The following VGLL3 variants were observed in gnomAD, a reference collection of about 807,000 sequenced individuals.
The protein encoded by VGLL3 is vestigial like family member 3, also known as transcription cofactor vestigial-like protein 3.
Under a neutral mutation model 29.2 loss-of-function variants are expected in VGLL3, and 18 were observed. That is an observed-to-expected ratio of 0.62 (90% CI 0.43 to 0.91). The LOEUF (loss-of-function observed/expected upper bound fraction) is 0.91, where lower values mean the gene tolerates loss of function less well. Among genes scored for constraint, VGLL3 ranks in the 40% least tolerant of loss-of-function variants. VGLL3 has a pLI of 0.00. For synonymous variants in VGLL3, 180 were observed against 151.8 expected (o/e 1.19, Z -1.36); for missense variants, 440 against 413.2 (o/e 1.06, Z -0.56).
chr3:86,942,389 A>G lies in VGLL3; in HGVS notation c.*4635T>C, dbSNP rs1413672927. ...AGTGTCAACATCTGCTTCCAATAAG[A>G]TTGTTTCTTTTTTTCCTTGAGTAGA... On this transcript the variant is annotated 3_prime_UTR_variant, in exon 4 of 4. Transcript: ENST00000398399. 1 of 152,008 alleles carries G rather than the reference A, an allele frequency of 6.6e-6. No homozygotes were observed. Among genetic ancestry groups the G allele is most frequent in the African/African-American group, 2.4e-5 (1 of 41,384 alleles). 9.4% of individuals were successfully genotyped at this position (152,008 alleles called of 1,614,324 possible).
chr3:86,942,783 G>A lies in VGLL3; in HGVS notation c.*4241C>T, dbSNP rs1406373076. The stretch of plus-strand genomic sequence containing the variant: ...AACGTACATTTATCTCCTATACCAG[G>A]TAGAAGGAACAGTTAGTAGGAGAAA... On this transcript the variant is annotated 3_prime_UTR_variant, in exon 4 of 4. Coordinates refer to ENST00000398399, the MANE Select transcript of VGLL3 (RefSeq NM_016206.4). 1 of 152,142 alleles carries A rather than the reference G, an allele frequency of 6.6e-6. No individual in the cohort carries two copies. Among genetic ancestry groups the A allele is most frequent in the Non-Finnish European group, 1.5e-5 (1 of 68,028 alleles). 9.4% of individuals were successfully genotyped at this position (152,142 alleles called of 1,614,324 possible).
At chr3:86,960,578 T>C (rs1704816773) in intron 3 of VGLL3, among the ~76,000 whole-genome samples, 1 of 152,158 alleles carries the variant, frequency 6.6e-6, no homozygotes, top group Non-Finnish European at 1.5e-5. Flanking sequence ...GGCAAACTTC[T>C]CAGTCTGTAC....
intron 2 of VGLL3, among the ~76,000 whole-genome samples, chr3:86,976,857 C>T (rs188656703): frequency 1.7e-4 from 26 of 152,276 alleles, no homozygotes; most frequent in Admixed American, 1.6e-3. Context: ...TATTACTCTC[C>T]TGGCACTGAT....
chr3:86,982,193 G>A (rs1328312466), intron 1 of VGLL3, among the ~76,000 whole-genome samples: 2 of 152,072 alleles, frequency 1.3e-5, no homozygotes, highest in African/African-American at 4.8e-5. Context: ...TGCCCAGGCT[G>A]GAGTGCAATG....
At chr3:86,964,263 G>A (rs992517829) in intron 3 of VGLL3, among the ~76,000 whole-genome samples, 2 of 152,088 alleles carry the variant, frequency 1.3e-5, no homozygotes, top group African/African-American at 4.8e-5. Context: ...ATTAGGTAGT[G>A]GTAACAGAGA....
chr3:86,952,851 T>C (rs1363908852), intron 3 of VGLL3, among the ~76,000 whole-genome samples: 2 of 152,160 alleles, frequency 1.3e-5, no homozygotes, highest in Non-Finnish European at 2.9e-5. Context: ...CATTGACATA[T>C]GATCACAAAA....
chr3:86,953,684 G>A (rs1423633605), intron 3 of VGLL3, among the ~76,000 whole-genome samples: 3 of 152,028 alleles, frequency 2.0e-5, no homozygotes, highest in Admixed American at 2.0e-4. Flanking sequence ...GCTGGATATT[G>A]TCCGATTATG....
chr3:86,982,961 G>A (rs976111575), intron 1 of VGLL3, among the ~76,000 whole-genome samples: 2 of 152,156 alleles, frequency 1.3e-5, no homozygotes, highest in African/African-American at 4.8e-5. Context: ...GTTCGCTTGG[G>A]CAGTACAGAC....
chr3:86,988,640 C>CAAA (rs869098443), intron 1 of VGLL3, among the ~76,000 whole-genome samples: 6 of 13,766 alleles, frequency 4.4e-4, no homozygotes, highest in Admixed American at 3.8e-3. Context: ...TTTACTTGAC[C>CAAA]AAAAAAAAAA....
chr3:86,964,805 T>C (rs1191177429), intron 3 of VGLL3, among the ~76,000 whole-genome samples: 1 of 152,164 alleles, frequency 6.6e-6, no homozygotes, highest in Non-Finnish European at 1.5e-5. Context: ...CTACACAGTG[T>C]ATGGTATTTT....
In VGLL3 at chr3:86,978,797, C is replaced by A. The variant is rs566787869; in HGVS notation, c.132G>T (p.Lys44Asn). 8.1e-5 allele frequency: 130 copies of A among 1,602,224 alleles called. 1 individual carries two copies. The South Asian group carries it at 1.4e-3, about 17-fold the overall frequency. ...QPAPQPGQQK[K>N]LAVFSKMQDS... ...CCTGCATCTTGCTGAATACCGCTAA[C>A]TTCTTCTGGGATGGAATAAACAAAA... Residue 44 changes from lysine to asparagine, a missense_variant, in exon 2 of 4, where the codon AAG becomes AAT. Coordinates refer to ENST00000398399, the MANE Select transcript of VGLL3 (RefSeq NM_016206.4).
At position 86,943,857 on chromosome 3, in the gene VGLL3, A is replaced by C. The variant is rs1704449526; in HGVS notation, c.*3167T>G. ...AGATTCTATTTAAAATAAACGAGAC[A>C]ATTTTCTAGGGTCTACTTCACAGAT... On this transcript the variant is annotated 3_prime_UTR_variant, in exon 4 of 4. Transcript: ENST00000398399. 6.6e-6 allele frequency: 1 copy of C among 152,100 alleles called. No individual in the cohort carries two copies. Among genetic ancestry groups the C allele is most frequent in the Non-Finnish European group, 1.5e-5 (1 of 68,006 alleles). The allele number at this position is 152,100 out of a possible 1,614,324, so 9.4% of individuals were successfully genotyped here. A position where few individuals can be genotyped will look rare whatever the true frequency, so the allele number is the denominator to read the frequency against.
intron 1 of VGLL3, among the ~76,000 whole-genome samples, chr3:86,982,601 C>G (rs1456636395): frequency 6.6e-6 from 1 of 152,106 alleles, no homozygotes; most frequent in African/African-American, 2.4e-5. Context: ...GACTAAATAT[C>G]AAATCATCAG....
chr3:86,950,338 T>C (rs1704591734), intron 3 of VGLL3, among the ~76,000 whole-genome samples: 2 of 152,214 alleles, frequency 1.3e-5, no homozygotes, highest in African/African-American at 4.8e-5. Flanking sequence ...ATATGAAACA[T>C]CATACTTCAT....
intron 3 of VGLL3, among the ~76,000 whole-genome samples, chr3:86,966,803 AT>A (rs1704974604): frequency 1.7e-5 from 2 of 115,790 alleles, no homozygotes; most frequent in Non-Finnish European, 3.6e-5. Flanking sequence ...ATATATATAT[AT>A]ATATATATAT....
At chr3:86,987,386 T>C (rs1327154316) in intron 1 of VGLL3, among the ~76,000 whole-genome samples, 1 of 152,204 alleles carries the variant, frequency 6.6e-6, no homozygotes, top group Admixed American at 6.5e-5. Context: ...TTCATCCAGC[T>C]GTTACCCTGG....
chr3:86,943,023 GT>G lies in VGLL3; in HGVS notation c.*4000del, dbSNP rs1484217249. ...TGTGTGTGTGTGTCTGTGTGTGTGT[GT>G]GTGTGTATGTGATTTCCAACTTCCA... On this transcript the variant is annotated 3_prime_UTR_variant, in exon 4 of 4. Transcript: ENST00000398399. The G allele has an allele frequency of 2.0e-5, 3 of 152,050 alleles. No individual in the cohort carries two copies. Among genetic ancestry groups the G allele is most frequent in the African/African-American group, 7.2e-5 (3 of 41,404 alleles). 9.4% of individuals were successfully genotyped at this position (152,050 alleles called of 1,614,324 possible).
At chr3:86,968,559 G>T (rs775259033) in intron 3 of VGLL3, 31 bp downstream of exon 3, 17 of 1,580,278 alleles carry the variant, frequency 1.1e-5, no homozygotes, top group Middle Eastern at 2.1e-4. Flanking sequence ...ACTTTATCTT[G>T]TTATAGGAAG....
At chr3:86,976,052 T>G (rs1386000705) in intron 2 of VGLL3, among the ~76,000 whole-genome samples, 1 of 151,838 alleles carries the variant, frequency 6.6e-6, no homozygotes, top group Non-Finnish European at 1.5e-5. Context: ...AGGCGGAGGT[T>G]GCAGTGAGCC....
Sources: allele counts gnomAD v4.1 joint callset (sites outside exome capture counted in the v4.1 genomes callset), GRCh38; gene constraint gnomAD v4.1.1; transcripts MANE v1.5; gene names NCBI Gene and HGNC (gene_info 2026-07-23, HGNC 2026-07-21).